The following CDH13 variants were observed in gnomAD, a reference collection of about 807,000 sequenced individuals.
CDH13 encodes cadherin 13, also known as cadherin-13.
CDH13 carries 24 observed loss-of-function variants against 63.8 expected under a neutral mutation model. That is an observed-to-expected ratio of 0.38 (90% confidence interval 0.27 to 0.53). The LOEUF is 0.53. CDH13 is among the 20% of genes least tolerant of loss of function. CDH13 has a pLI of 0.85. For missense variants in CDH13, 1,049 were observed against 903.1 expected (o/e 1.16, Z -2.07); for synonymous variants, 503 against 355.3 (o/e 1.42, Z -4.67).
intron 2 of CDH13, among the ~76,000 whole-genome samples, chr16:83,005,156 G>C (rs1913353362): frequency 6.6e-6 from 1 of 152,156 alleles, no homozygotes; most frequent in African/African-American, 2.4e-5. Context: ...TAGGAGATGA[G>C]ATTCTATTAT....
At position 82,975,692 on chromosome 16, in the gene CDH13, C is replaced by G. The variant is rs985267891; in HGVS notation, c.158-56318C>G. On this transcript the variant is annotated intron_variant, in intron 2 of 13. Coordinates refer to ENST00000567109, the MANE Select transcript of CDH13 (RefSeq NM_001257.5). ...AAGAAAATTGGATTTTTCTTGTAAT[C>G]TGCAGGATCCATTGCTGACCTTGCT... 2.0e-5 allele frequency among the ~76,000 whole-genome samples: 3 copies of G among 152,204 alleles called. No individual in the cohort carries two copies. In the East Asian group the frequency reaches 5.8e-4, roughly 29 times the overall value.
chr16:83,765,627 A>G (rs1435103267), intron 11 of CDH13, among the ~76,000 whole-genome samples: 3 of 152,174 alleles, frequency 2.0e-5, no homozygotes, highest in South Asian at 4.1e-4. Context: ...TAGCAAAGCA[A>G]TAAAACTGAT....
At chr16:83,252,797 C>T (rs1905740775) in intron 5 of CDH13, among the ~76,000 whole-genome samples, 1 of 152,014 alleles carries the variant, frequency 6.6e-6, no homozygotes, top group Admixed American at 6.6e-5. Flanking sequence ...CAGCCTGCCC[C>T]CCACCCCAAT....
chr16:83,516,227 A>C (rs1361455585), intron 7 of CDH13, among the ~76,000 whole-genome samples: 1 of 152,216 alleles, frequency 6.6e-6, no homozygotes, highest in Non-Finnish European at 1.5e-5. Context: ...TATAGTGCCA[A>C]AGAATGAGAA....
At position 82,836,553 on chromosome 16, in the gene CDH13, G is replaced by A. The variant is rs1567584674; in HGVS notation, c.46-21809G>A. On this transcript the variant is annotated intron_variant, in intron 1 of 13. Transcript: ENST00000567109. ...GTATCCCACTTTGAGGAATACTGAT[G>A]AGAAAGGATGTTAGGCCTACAGAGA... Among the ~76,000 whole-genome samples the A allele has an allele frequency of 5.3e-5, 8 of 152,266 alleles. No individual in the cohort carries two copies. The South Asian group carries it at 1.7e-3, about 32-fold the overall frequency.
chr16:83,631,618 G>A (rs1910787620), intron 8 of CDH13, among the ~76,000 whole-genome samples: 1 of 152,022 alleles, frequency 6.6e-6, no homozygotes, highest in South Asian at 2.1e-4. Flanking sequence ...AAGGAAAGAG[G>A]GATGTCACTC....
intron 5 of CDH13, among the ~76,000 whole-genome samples, chr16:83,235,824 G>A (rs752421022): frequency 3.9e-5 from 6 of 152,078 alleles, no homozygotes; most frequent in Non-Finnish European, 7.4e-5. Flanking sequence ...GCTAGAATGT[G>A]CATTTCTCAA....
At chr16:82,828,551 C>T (rs201506703) in intron 1 of CDH13, among the ~76,000 whole-genome samples, 20 of 152,042 alleles carry the variant, frequency 1.3e-4, no homozygotes, top group African/African-American at 4.1e-4. Context: ...TGCTTGATCC[C>T]GGGAGGCAGA....
intron 5 of CDH13, among the ~76,000 whole-genome samples, chr16:83,223,349 G>T (rs1008236809): frequency 6.6e-6 from 1 of 152,208 alleles, no homozygotes; most frequent in Non-Finnish European, 1.5e-5. Context: ...ATTCCTGAAA[G>T]CCTTTTAAAT....
chr16:83,645,442 T>C (rs926698401), intron 8 of CDH13, among the ~76,000 whole-genome samples: 1 of 152,108 alleles, frequency 6.6e-6, no homozygotes, highest in Non-Finnish European at 1.5e-5. Context: ...AAAAACCACC[T>C]ATCAGGTACA....
At chr16:83,664,046 G>A (rs1913700835) in intron 8 of CDH13, among the ~76,000 whole-genome samples, 1 of 151,852 alleles carries the variant, frequency 6.6e-6, no homozygotes, top group African/African-American at 2.4e-5. Flanking sequence ...GTTTAGGCCT[G>A]TGGTCCCAGC....
At chr16:83,216,322 G>C (rs1402494075) in intron 4 of CDH13, among the ~76,000 whole-genome samples, 1 of 142,888 alleles carries the variant, frequency 7.0e-6, no homozygotes, top group Non-Finnish European at 1.5e-5. Context: ...GCCATGGCCA[G>C]CTTGCTGACT....
chr16:83,647,716 C>A (rs527643932), intron 8 of CDH13, among the ~76,000 whole-genome samples: 3 of 152,250 alleles, frequency 2.0e-5, no homozygotes, highest in Middle Eastern at 3.4e-3. Flanking sequence ...TTTTTATCCT[C>A]AACAATCATA....
At chr16:83,729,163 G>A (rs1054462228) in intron 10 of CDH13, among the ~76,000 whole-genome samples, 6 of 152,186 alleles carry the variant, frequency 3.9e-5, no homozygotes, top group East Asian at 1.9e-4. Context: ...ATCAACATCC[G>A]AATTTGGGGG....
chr16:83,626,692 C>G (rs989879662), intron 8 of CDH13, among the ~76,000 whole-genome samples: 1 of 152,084 alleles, frequency 6.6e-6, no homozygotes, highest in African/African-American at 2.4e-5. Flanking sequence ...CGGAGGATGA[C>G]TTTGCCTCCT....
chr16:83,569,807 G>T (rs1017564365), intron 7 of CDH13, among the ~76,000 whole-genome samples: 3 of 152,092 alleles, frequency 2.0e-5, no homozygotes, highest in African/African-American at 4.8e-5. Flanking sequence ...TACAATCTCC[G>T]CTCACTGCAA....
At chr16:82,767,565 G>A (rs555691449) in intron 1 of CDH13, among the ~76,000 whole-genome samples, 2 of 152,308 alleles carry the variant, frequency 1.3e-5, no homozygotes, top group Non-Finnish European at 2.9e-5. Flanking sequence ...CAAACACATT[G>A]TGTGCTCCTG....
chr16:82,987,960 G>A (rs776750637), intron 2 of CDH13, among the ~76,000 whole-genome samples: 4 of 152,136 alleles, frequency 2.6e-5, no homozygotes, highest in African/African-American at 7.2e-5. Context: ...ACAGTGCCTC[G>A]TCTCATTGTT....
chr16:82,814,490 T>C (rs1318548231), intron 1 of CDH13, among the ~76,000 whole-genome samples: 1 of 152,124 alleles, frequency 6.6e-6, no homozygotes, highest in Non-Finnish European at 1.5e-5. Flanking sequence ...AAAGCCTCCA[T>C]GATAACCCCA....
Sources: allele counts gnomAD v4.1 joint callset (sites outside exome capture counted in the v4.1 genomes callset), GRCh38; gene constraint gnomAD v4.1.1; transcripts MANE v1.5; gene names NCBI Gene and HGNC (gene_info 2026-07-23, HGNC 2026-07-21).